The following XKR6 variants were observed in gnomAD, a reference collection of about 807,000 sequenced individuals.
XKR6 encodes the protein XK-related protein 6.
XKR6 carries 22 observed loss-of-function variants against 56.7 expected under a neutral mutation model. The observed-to-expected ratio is 0.39, with a 90% confidence interval of 0.28 to 0.55. The LOEUF (loss-of-function observed/expected upper bound fraction) is 0.55, where lower values mean the gene tolerates loss of function less well. Ranked by LOEUF, XKR6 falls within the 20% of genes least tolerant of loss-of-function variation. The probability of loss-of-function intolerance (pLI) is 0.66; values close to 1 mark genes in which losing one functional copy is unlikely to be tolerated. For missense variants in XKR6, 852 were observed against 889.0 expected (o/e 0.96, Z 0.53); for synonymous variants, 524 against 387.8 (o/e 1.35, Z -4.13).
chr8:11,027,893 C>T lies in XKR6; in HGVS notation c.765-103063G>A, dbSNP rs899009825. On this transcript the variant is annotated intron_variant, in intron 1 of 2. Coordinates refer to ENST00000416569, the MANE Select transcript of XKR6 (RefSeq NM_173683.4). ...GCTGGGCTAGAAGCCCCTCTCCTCC[C>T]CCATTATCAACATCCCACCCCTCCA... is the stretch of plus-strand genomic sequence containing the variant. Among the ~76,000 whole-genome samples, 24 of 152,170 alleles carry T rather than the reference C, an allele frequency of 1.6e-4. 1 individual carries two copies. Among genetic ancestry groups the T allele is most frequent in the African/African-American group, 5.8e-4 (24 of 41,434 alleles).
chr8:11,109,458 A>G (rs1798803696), intron 1 of XKR6: 1 of 152,220 alleles, frequency 6.6e-6, no homozygotes, highest in Non-Finnish European at 1.5e-5. Context: ...CGATACTTCC[A>G]AAGATCTCAT....
intron 1 of XKR6, among the ~76,000 whole-genome samples, chr8:11,023,955 G>A (rs535287412): frequency 2.1e-4 from 32 of 152,274 alleles, no homozygotes; most frequent in African/African-American, 7.5e-4. Flanking sequence ...AATAGGGTGG[G>A]GGAATTGTGG....
At chr8:10,918,525 T>C (rs1800625380) in intron 2 of XKR6, among the ~76,000 whole-genome samples, 1 of 152,228 alleles carries the variant, frequency 6.6e-6, no homozygotes, top group Non-Finnish European at 1.5e-5. Flanking sequence ...GGCTGGTTTC[T>C]GCAGAATCCG....
At chr8:11,031,039 G>A (rs1046992999) in intron 1 of XKR6, among the ~76,000 whole-genome samples, 1 of 152,154 alleles carries the variant, frequency 6.6e-6, no homozygotes, top group Non-Finnish European at 1.5e-5. Context: ...CCTGGCTCAC[G>A]GCAAGCCCAT....
rs1803118673 is a variant in XKR6, at chr8:11,159,696, G to A, written c.764+40880C>T. Among the ~76,000 whole-genome samples, 4 of 152,226 alleles carry A rather than the reference G, an allele frequency of 2.6e-5. No homozygotes were observed. In the South Asian group the frequency reaches 8.3e-4, roughly 32 times the overall value. ...AAGTCATTCTGATGCAGACCAGTCTGAAAACTACTGACCAAGAACCACTGA... is the reference window on the plus strand; with the variant it reads ...AAGTCATTCTGATGCAGACCAGTCTAAAAACTACTGACCAAGAACCACTGA... On this transcript the variant is annotated intron_variant, in intron 1 of 2. Transcript: ENST00000416569.
chr8:10,996,978 A>C (rs1798127687), intron 1 of XKR6, among the ~76,000 whole-genome samples: 1 of 152,168 alleles, frequency 6.6e-6, no homozygotes, highest in African/African-American at 2.4e-5. Flanking sequence ...TTATTTAAAA[A>C]ATAAAATAAA....
intron 1 of XKR6, among the ~76,000 whole-genome samples, chr8:10,931,327 C>G (rs1801043930): frequency 1.3e-5 from 2 of 152,010 alleles, no homozygotes; most frequent in African/African-American, 4.8e-5. Flanking sequence ...TTGGAAGATG[C>G]AATATAGTAA....
At chr8:10,924,544 G>C in intron 2 of XKR6, 90 bp downstream of exon 2, 1 of 1,470,502 alleles carries the variant, frequency 6.8e-7, no homozygotes, top group Non-Finnish European at 9.2e-7. Context: ...TGCCCACAGA[G>C]CGTGCCAGGC....
intron 1 of XKR6, among the ~76,000 whole-genome samples, chr8:11,129,407 CA>C (rs1360078981): frequency 2.0e-5 from 3 of 151,872 alleles, no homozygotes; most frequent in African/African-American, 7.3e-5. Flanking sequence ...TTAACAACAA[CA>C]AAAAAATATT....
chr8:11,108,200 C>A, intron 1 of XKR6: 1 of 445,074 alleles, frequency 2.2e-6, no homozygotes, highest in South Asian at 1.6e-5. Context: ...CACTTATAAA[C>A]AAATTAACCA....
At chr8:11,143,704 G>A (rs1800824993) in intron 1 of XKR6, among the ~76,000 whole-genome samples, 1 of 152,150 alleles carries the variant, frequency 6.6e-6, no homozygotes, top group South Asian at 2.1e-4. Context: ...GATTAGGATG[G>A]GACACATACG....
At chr8:11,198,351 T>TA (rs1420590300) in intron 1 of XKR6, among the ~76,000 whole-genome samples, 1 of 151,450 alleles carries the variant, frequency 6.6e-6, no homozygotes, top group Non-Finnish European at 1.5e-5. Flanking sequence ...TTTTGAAGTA[T>TA]AGCTATGTTA....
chr8:11,025,383 T>A (rs1257923753), intron 1 of XKR6, among the ~76,000 whole-genome samples: 4 of 152,236 alleles, frequency 2.6e-5, no homozygotes, highest in Non-Finnish European at 5.9e-5. Flanking sequence ...CTTTGGTTAA[T>A]GGAGTCTATT....
intron 1 of XKR6, among the ~76,000 whole-genome samples, chr8:11,199,686 G>A (rs1416159465): frequency 6.6e-6 from 1 of 152,222 alleles, no homozygotes; most frequent in East Asian, 1.9e-4. Context: ...AGTCAGTGAA[G>A]GCCACGGCAG....
intron 1 of XKR6, among the ~76,000 whole-genome samples, chr8:10,969,376 C>T (rs1474272533): frequency 1.3e-5 from 2 of 152,152 alleles, no homozygotes; most frequent in African/African-American, 2.4e-5. Flanking sequence ...GAGGATGTCA[C>T]CCAGTGGTAT....
chr8:11,086,970 C>T (rs1172260639), intron 1 of XKR6, among the ~76,000 whole-genome samples: 2 of 152,222 alleles, frequency 1.3e-5, no homozygotes, highest in Admixed American at 1.3e-4. Flanking sequence ...TCCATGGTCT[C>T]TCGGAAGCTG....
intron 1 of XKR6, among the ~76,000 whole-genome samples, chr8:11,021,158 G>C (rs569873198): frequency 1.3e-5 from 2 of 152,310 alleles, no homozygotes; most frequent in South Asian, 4.1e-4. Flanking sequence ...GCTTCTCTCA[G>C]AGTCTCAGAC....
intron 1 of XKR6, among the ~76,000 whole-genome samples, chr8:10,957,797 G>C (rs1801939655): frequency 6.6e-6 from 1 of 152,004 alleles, no homozygotes; most frequent in Non-Finnish European, 1.5e-5. Context: ...CTGGGGAGTG[G>C]GGAAATCCAC....
intron 1 of XKR6, among the ~76,000 whole-genome samples, chr8:11,173,366 T>C (rs28562834): frequency 0.1 from 14,382 of 143,548 alleles, 990 homozygotes; most frequent in African/African-American, 0.2. Flanking sequence ...TATATATATA[T>C]ACACACACAC....
Sources: gnomAD v4.1 joint callset for allele counts (sites outside exome capture counted in the v4.1 genomes callset) on GRCh38, gnomAD v4.1.1 for gene constraint, MANE v1.5 for transcripts, NCBI Gene and HGNC (gene_info 2026-07-23, HGNC 2026-07-21) for gene names.